The following PDE4B variants were observed in gnomAD, a reference collection of about 807,000 sequenced individuals.
PDE4B encodes phosphodiesterase 4B.
Under a neutral mutation model 82.2 loss-of-function variants are expected in PDE4B, and 20 were observed. The ratio of observed to expected loss-of-function variants is 0.24; its 90% CI spans 0.17 to 0.35. The LOEUF (loss-of-function observed/expected upper bound fraction) is 0.35, where lower values mean the gene tolerates loss of function less well. Ranked by LOEUF, PDE4B falls within the 10% of genes least tolerant of loss-of-function variation. PDE4B has a pLI of 1.00. For missense variants in PDE4B, 655 were observed against 907.2 expected (o/e 0.72, Z 3.57); for synonymous variants, 320 against 318.9 (o/e 1.00, Z -0.04).
chr1:65,872,564 A>G (rs1646585779), intron 1 of PDE4B, among the ~76,000 whole-genome samples: 2 of 152,176 alleles, frequency 1.3e-5, no homozygotes. Context: ...AGTAAATCTC[A>G]GTTTGTTTAA....
intron 7 of PDE4B, among the ~76,000 whole-genome samples, chr1:66,293,242 C>T (rs976782760): frequency 1.3e-5 from 2 of 152,146 alleles, no homozygotes; most frequent in African/African-American, 4.8e-5. Context: ...TGTCTCCTCA[C>T]GTGCAGCAGT....
intron 3 of PDE4B, among the ~76,000 whole-genome samples, chr1:66,068,845 G>A (rs1244188927): frequency 2.0e-5 from 3 of 151,846 alleles, no homozygotes; most frequent in Admixed American, 2.0e-4. Flanking sequence ...CTACAAATCT[G>A]TTATTTATGG....
At chr1:66,311,120 G>A (rs1205106681) in intron 7 of PDE4B, among the ~76,000 whole-genome samples, 1 of 152,168 alleles carries the variant, frequency 6.6e-6, no homozygotes, top group African/African-American at 2.4e-5. Flanking sequence ...GAAAGAGAAG[G>A]AAGGGAAGAA....
intron 3 of PDE4B, chr1:65,992,887 G>A (rs1651321300): frequency 1.9e-6 from 3 of 1,610,276 alleles, no homozygotes; most frequent in Non-Finnish European, 1.7e-6. Context: ...GATGGTGAAA[G>A]CTAGCACTCC....
intron 1 of PDE4B, among the ~76,000 whole-genome samples, chr1:65,885,862 A>G (rs1267901652): frequency 2.2e-5 from 3 of 137,914 alleles, no homozygotes; most frequent in African/African-American, 8.9e-5. Flanking sequence ...ACGTATAATA[A>G]TAATAATAAT....
At chr1:66,121,085 A>T (rs1347342067) in intron 3 of PDE4B, among the ~76,000 whole-genome samples, 5 of 152,204 alleles carry the variant, frequency 3.3e-5, no homozygotes, top group Admixed American at 2.0e-4. Flanking sequence ...GAGGTCCTTA[A>T]GGATAGACCA....
chr1:66,368,872 T>C lies in PDE4B; in HGVS notation c.1748T>C (p.Met583Thr). 6.2e-7 allele frequency: 1 copy of C among 1,613,568 alleles called. No homozygotes were observed. Among genetic ancestry groups the C allele is most frequent in the Non-Finnish European group, 8.5e-7 (1 of 1,179,664 alleles). ...TATCGGCAATGGACAGACCGCATCA[T>C]GGAGGAATTTTTCCAGCAGGGAGAC... ...ELYRQWTDRI[M>T]EEFFQQGDKE... Residue 583 changes from methionine to threonine, a missense_variant, in exon 16 of 17, where the codon ATG becomes ACG. By Grantham distance (81) the Met-to-Thr change is moderately conservative. This residue lies in a region of PDE4B where 283 missense variants were observed against 516.4 expected (regional missense o/e 0.55). Coordinates refer to ENST00000341517, the MANE Select transcript of PDE4B (RefSeq NM_002600.4).
intron 1 of PDE4B, among the ~76,000 whole-genome samples, chr1:65,887,219 T>TTTCC (rs1557798902): frequency 5.0e-5 from 1 of 20,046 alleles, no homozygotes; most frequent in East Asian, 1.1e-3. Flanking sequence ...TCTTTCTTTC[T>TTTCC]TTCTTTCTTT....
intron 3 of PDE4B, among the ~76,000 whole-genome samples, chr1:66,162,571 G>A (rs1646638857): frequency 6.6e-6 from 1 of 151,946 alleles, no homozygotes; most frequent in South Asian, 2.1e-4. Flanking sequence ...TATCTGAAAT[G>A]CTTGGGACCA....
intron 1 of PDE4B, among the ~76,000 whole-genome samples, chr1:65,882,778 ATG>A (rs938658652): frequency 6.6e-6 from 1 of 152,100 alleles, no homozygotes; most frequent in Non-Finnish European, 1.5e-5. Context: ...ATATGTATAT[ATG>A]TGTGTGAACA....
intron 1 of PDE4B, among the ~76,000 whole-genome samples, chr1:65,902,005 GA>G (rs1646976939): frequency 6.6e-6 from 1 of 151,962 alleles, no homozygotes; most frequent in Admixed American, 6.6e-5. Context: ...TTTATTTCAA[GA>G]AATTTTTTTA....
intron 3 of PDE4B, among the ~76,000 whole-genome samples, chr1:66,196,804 T>G (rs1648340224): frequency 1.2e-5 from 1 of 82,914 alleles, no homozygotes; most frequent in Non-Finnish European, 2.3e-5. Context: ...CTCTGGGGAC[T>G]GTGGTGGGGT....
At chr1:65,904,840 G>T (rs936766424) in intron 1 of PDE4B, among the ~76,000 whole-genome samples, 1 of 152,158 alleles carries the variant, frequency 6.6e-6, no homozygotes, top group Admixed American at 6.6e-5. Flanking sequence ...AAAAATAGTT[G>T]TGAGAATTAC....
At chr1:66,083,527 T>TA (rs1303024034) in intron 3 of PDE4B, among the ~76,000 whole-genome samples, 1 of 152,102 alleles carries the variant, frequency 6.6e-6, no homozygotes, top group Non-Finnish European at 1.5e-5. Context: ...ATAGACCTTA[T>TA]TATACTGATT....
chr1:65,858,436 G>A (rs997326391), intron 1 of PDE4B, among the ~76,000 whole-genome samples: 2 of 152,132 alleles, frequency 1.3e-5, no homozygotes, highest in South Asian at 2.1e-4. Flanking sequence ...TTAAACAGCC[G>A]TGATGGCTAT....
intron 3 of PDE4B, among the ~76,000 whole-genome samples, chr1:65,986,747 T>C (rs898325198): frequency 1.3e-5 from 2 of 151,854 alleles, no homozygotes; most frequent in African/African-American, 4.8e-5. Context: ...TCAGGAGGAG[T>C]AAACAGATGA....
At chr1:65,850,633 CTGAG>C (rs1007518725) in intron 1 of PDE4B, among the ~76,000 whole-genome samples, 2 of 151,882 alleles carry the variant, frequency 1.3e-5, no homozygotes, top group African/African-American at 4.8e-5. Flanking sequence ...GTTCTTATAG[CTGAG>C]TAAGAGTGTG....
At chr1:66,211,846 G>A (rs929799078) in intron 3 of PDE4B, among the ~76,000 whole-genome samples, 2 of 152,196 alleles carry the variant, frequency 1.3e-5, no homozygotes, top group African/African-American at 4.8e-5. Flanking sequence ...CAGGTTACCC[G>A]ATAAGCCTTC....
chr1:66,062,847 A>G (rs1328037785), intron 3 of PDE4B: 1 of 152,070 alleles, frequency 6.6e-6, no homozygotes. Flanking sequence ...AAAATTGTTG[A>G]CCATTTTAAT....
Sources: gnomAD v4.1 joint callset for allele counts (sites outside exome capture counted in the v4.1 genomes callset) on GRCh38, gnomAD v4.1.1 for gene constraint, gnomAD v4.1.1 regional missense constraint, MANE v1.5 for transcripts, NCBI Gene and HGNC (gene_info 2026-07-23, HGNC 2026-07-21) for gene names.